Variants in FREM2 observed in about 807,000 individuals in gnomAD.
The protein encoded by FREM2 is FRAS1-related extracellular matrix protein 2.
Under a neutral mutation model 219.9 loss-of-function variants are expected in FREM2, and 119 were observed. That is an observed-to-expected ratio of 0.54 (90% CI 0.47 to 0.63). The LOEUF (loss-of-function observed/expected upper bound fraction) is 0.63. FREM2 is among the 30% of genes least tolerant of loss of function. The pLI is 0.00. For missense variants in FREM2, 4,030 were observed against 3,993.6 expected (o/e 1.01, Z -0.25); for synonymous variants, 1,562 against 1,522.8 (o/e 1.03, Z -0.60).
chr13:38,864,830 T>C (rs748616631), intron 16 of FREM2, among the ~76,000 whole-genome samples: 3 of 87,184 alleles, frequency 3.4e-5, no homozygotes, highest in Non-Finnish European at 6.5e-5. Context: ...CTAGAAACAT[T>C]ATATCTATGT....
At position 38,688,465 on chromosome 13, in the gene FREM2, A is replaced by G; in HGVS notation, c.1121A>G (p.Asp374Gly). ...GGCCAGGGCTACTTGGTGAGCACCG[A>G]TGATCGCAGCCTGCCCCTTTCCTCC... ...QPGQGYLVST[D>G]DRSLPLSSFT... The change falls in exon 1 of 24, where the codon GAT becomes GGT. Residue 374 changes from aspartate (D) to glycine (G), a missense_variant. Physicochemically the swap from Asp to Gly is moderately conservative, Grantham distance 94. This residue lies in a region of FREM2 where 3,102 missense variants were observed against 2,950.7 expected (regional missense o/e 1.05). Transcript: ENST00000280481. 6.2e-7 allele frequency: 1 copy of G among 1,614,092 alleles called. No homozygotes were observed. Among genetic ancestry groups the G allele is most frequent in the East Asian group, 2.2e-5 (1 of 44,856 alleles).
At chr13:38,746,162 T>TA (rs1872474623) in intron 2 of FREM2, among the ~76,000 whole-genome samples, 1 of 152,218 alleles carries the variant, frequency 6.6e-6, no homozygotes, top group Non-Finnish European at 1.5e-5. Context: ...TTAGACCACT[T>TA]ATGCTAAGTA....
intron 2 of FREM2, among the ~76,000 whole-genome samples, chr13:38,707,791 C>G (rs1018380650): frequency 2.6e-5 from 4 of 152,184 alleles, no homozygotes; most frequent in Non-Finnish European, 5.9e-5. Flanking sequence ...ACTTCTCTTG[C>G]TTTACTTGAT....
chr13:38,688,658 T>C lies in FREM2; in HGVS notation c.1314T>C (p.Ala438=), dbSNP rs564084046. The part of the protein sequence containing the change: ...MVVVKPMNTM[A]PVVTRNTGLI... ...TGGTGAAGCCCATGAACACAATGGC[T>C]CCGGTGGTCACCCGGAATACCGGTC... is the stretch of plus-strand genomic sequence containing the variant. The change falls in exon 1 of 24, where the codon GCT becomes GCC. Residue 438 remains alanine, a synonymous_variant. Transcript: ENST00000280481. The C allele has an allele frequency of 6.2e-7, 1 of 1,614,116 alleles. No homozygotes were observed. The highest frequency in any genetic ancestry group is 1.1e-5 in the South Asian group (1 of 91,076).
chr13:38,863,822 T>A lies in FREM2; in HGVS notation c.7652-453T>A, dbSNP rs190441797. Among the ~76,000 whole-genome samples, 187 of 152,200 alleles carry A rather than the reference T, an allele frequency of 1.2e-3. 1 individual carries two copies. The highest frequency in any genetic ancestry group is 4.4e-3 in the African/African-American group (184 of 41,536). ...GGTTCTTAGTATACCACTTTTTTAT[T>A]TTTTTGTTTTTTGTAGGGGTTTTTT... On this transcript the variant is annotated intron_variant, in intron 15 of 23. Transcript: ENST00000280481.
Position 38,881,682 on chromosome 13 carries a change from A to G in FREM2, c.*895A>G, listed in dbSNP as rs1282134316. ...AGAACTGAGCCTAGATGTTTGCAGT[A>G]TTGAACCCATAAATGATAATAAGAA... On this transcript the variant is annotated 3_prime_UTR_variant, in exon 24 of 24. Coordinates refer to ENST00000280481, the MANE Select transcript of FREM2 (RefSeq NM_207361.6). 1.3e-5 allele frequency: 2 copies of G among 152,620 alleles called. No individual in the cohort carries two copies. Among genetic ancestry groups the G allele is most frequent in the Admixed American group, 1.3e-4 (2 of 15,286 alleles). The allele number at this position is 152,620 out of a possible 1,614,324, so 9.5% of individuals were successfully genotyped here.
At chr13:38,872,401 T>G (rs936184524) in intron 16 of FREM2, among the ~76,000 whole-genome samples, 1 of 152,186 alleles carries the variant, frequency 6.6e-6, no homozygotes, top group Non-Finnish European at 1.5e-5. Flanking sequence ...CTAAGAACCA[T>G]TGAACTGTTT....
Position 38,690,379 on chromosome 13 carries a change from G to A in FREM2, c.3035G>A (p.Gly1012Asp). The A allele has an allele frequency of 6.2e-7, 1 of 1,614,208 alleles. No individual in the cohort carries two copies. Among genetic ancestry groups the A allele is most frequent in the African/African-American group, 1.3e-5 (1 of 75,062 alleles). Residue 1012 changes from glycine to aspartate, a missense_variant, in exon 1 of 24, where the codon GGC becomes GAC. Coordinates refer to ENST00000280481, the MANE Select transcript of FREM2 (RefSeq NM_207361.6). ...TTTACTCAAAGGGACATCTTGGAGG[G>A]CTCTGTTGTATATACCCACACCAGT... is the stretch of plus-strand genomic sequence containing the variant. ...EQFTQRDILEGSVVYTHTSGE... is the reference protein window; with the variant it reads ...EQFTQRDILEDSVVYTHTSGE...
rs578249359 is a variant in FREM2 at position 38,688,466 on chromosome 13, T to A, written c.1122T>A (p.Asp374Glu). 1.8e-4 allele frequency: 295 copies of A among 1,614,144 alleles called. 4 individuals are homozygous for A. The South Asian group carries it at 3.0e-3, about 17-fold the overall frequency. ...GCCAGGGCTACTTGGTGAGCACCGA[T>A]GATCGCAGCCTGCCCCTTTCCTCCT... ...QPGQGYLVST[D>E]DRSLPLSSFT... Residue 374 changes from aspartate (D) to glutamate (E), a missense_variant, in exon 1 of 24, where the codon GAT becomes GAA. Physicochemically the swap from Asp to Glu is conservative, Grantham distance 45. Transcript: ENST00000280481.
At chr13:38,804,052 A>G (rs995285794) in intron 6 of FREM2, among the ~76,000 whole-genome samples, 1 of 152,064 alleles carries the variant, frequency 6.6e-6, no homozygotes, top group Non-Finnish European at 1.5e-5. Context: ...CAGTCATTAT[A>G]AGAAATGGCC....
rs1029577885 is a variant in FREM2 at position 38,878,442 on chromosome 13, C to T, written c.8859+121C>T. ...ACTATAGTCCCAGCACTTTGGGAGG[C>T]CAAGGTAGAAGGATCACTTGAAGCC... On this transcript the variant is annotated intron_variant, in intron 22 of 23. Coordinates refer to ENST00000280481, the MANE Select transcript of FREM2 (RefSeq NM_207361.6). The T allele has an allele frequency of 7.6e-5, 37 of 488,900 alleles. 2 individuals carry two copies. The highest frequency in any genetic ancestry group is 2.9e-4 in the Admixed American group (10 of 34,204). 30.3% of individuals were successfully genotyped at this position (488,900 alleles called of 1,614,324 possible).
rs1232119699 is a variant in FREM2, at chr13:38,690,051, G to T, written c.2707G>T (p.Ala903Ser). The change falls in exon 1 of 24, where the codon GCC becomes TCC. Residue 903 changes from alanine (A) to serine (S), a missense_variant. Physicochemically the swap from Ala to Ser is moderately conservative, Grantham distance 99. This residue lies in a region of FREM2 where 3,102 missense variants were observed against 2,950.7 expected (regional missense o/e 1.05). Transcript: ENST00000280481. Reference protein sequence around the residue: ...EDIKQGRVSYAHNGDKSLTDS... With the variant: ...EDIKQGRVSYSHNGDKSLTDS... ...CATAAAACAGGGCCGAGTTTCCTAT[G>T]CCCATAATGGGGACAAGTCCCTGAC... 6.2e-7 allele frequency: 1 copy of T among 1,613,900 alleles called. No individual in the cohort carries two copies. Among genetic ancestry groups the T allele is most frequent in the Non-Finnish European group, 8.5e-7 (1 of 1,180,020 alleles).
intron 2 of FREM2, among the ~76,000 whole-genome samples, chr13:38,733,598 AG>A (rs1279792688): frequency 1.8e-4 from 27 of 152,014 alleles, no homozygotes; most frequent in Non-Finnish European, 7.4e-5. Context: ...AATTAAAAAA[AG>A]GTTGTCAAGA....
rs1266206464 is a variant in FREM2 at position 38,687,774 on chromosome 13, C to T, written c.430C>T (p.Arg144Cys). 6.5e-7 allele frequency: 1 copy of T among 1,537,962 alleles called. No individual in the cohort carries two copies. The highest frequency in any genetic ancestry group is 8.8e-7 in the Non-Finnish European group (1 of 1,138,692). The change falls in exon 1 of 24, where the codon CGC (arginine) becomes TGC (cysteine). Residue 144 changes from arginine to cysteine, a missense_variant. Physicochemically the swap from Arg to Cys is radical, Grantham distance 180. Transcript: ENST00000280481. ...GGTGCGCTACTCTCACCTGGGCGCG[C>T]GCAGCCCGTCTCGGGACCGCGTCCG... ...GEVRYSHLGA[R>C]SPSRDRVRLQ...
chr13:38,747,395 ATGTG>A (rs71917471), intron 2 of FREM2, among the ~76,000 whole-genome samples: 218 of 142,966 alleles, frequency 1.5e-3, no homozygotes, highest in South Asian at 0.013. Context: ...CTGATATAAT[ATGTG>A]TGTGTGTGTG....
intron 2 of FREM2, among the ~76,000 whole-genome samples, chr13:38,725,029 T>G (rs1023743522): frequency 6.6e-6 from 1 of 152,222 alleles, no homozygotes; most frequent in Non-Finnish European, 1.5e-5. Context: ...ATATTTGTTT[T>G]GAACCTTGCC....
rs759441882 is a variant in FREM2, at chr13:38,839,611, C to G, written c.6020-6962C>G. Among the ~76,000 whole-genome samples, 7 of 152,184 alleles carry G rather than the reference C, an allele frequency of 4.6e-5. No homozygotes were observed. In the South Asian group the frequency reaches 6.2e-4, roughly 14 times the overall value. On this transcript the variant is annotated intron_variant, in intron 6 of 23. Transcript: ENST00000280481. ...TGTCCCAGGGAGATGGGAGTTTTAG[C>G]CCCTGACTGGGGCTGCAGCCTTTCT...
intron 1 of FREM2, among the ~76,000 whole-genome samples, chr13:38,695,415 T>C (rs1464010231): frequency 1.3e-5 from 2 of 152,230 alleles, no homozygotes. Flanking sequence ...TAGTTGCATT[T>C]ATGTTTTCTT....
intron 2 of FREM2, among the ~76,000 whole-genome samples, chr13:38,735,997 A>G (rs1871975952): frequency 6.6e-6 from 1 of 152,166 alleles, no homozygotes; most frequent in Non-Finnish European, 1.5e-5. Flanking sequence ...AAGGAGGAGC[A>G]TAATCTTCCA....
Sources: gnomAD v4.1 joint callset for allele counts (sites outside exome capture counted in the v4.1 genomes callset) on GRCh38, gnomAD v4.1.1 for gene constraint, gnomAD v4.1.1 regional missense constraint, MANE v1.5 for transcripts, NCBI Gene and HGNC (gene_info 2026-07-23, HGNC 2026-07-21) for gene names.